The following CDC42BPB variants were observed in gnomAD, a reference collection of about 807,000 sequenced individuals.
The protein encoded by CDC42BPB is serine/threonine-protein kinase MRCK beta.
A neutral mutation model predicts 214.9 loss-of-function variants in CDC42BPB; 37 were observed. The observed-to-expected ratio is 0.17, with a 90% CI of 0.13 to 0.23. The LOEUF is 0.23. CDC42BPB is among the 10% of genes least tolerant of loss of function. The probability of loss-of-function intolerance (pLI) is 1.00; values close to 1 mark genes in which losing one functional copy is unlikely to be tolerated. For synonymous variants in CDC42BPB, 931 were observed against 884.0 expected (o/e 1.05, Z -0.94); for missense variants, 1,694 against 2,227.0 (o/e 0.76, Z 4.82).
At chr14:102,941,851 C>T (rs768670970) in intron 30 of CDC42BPB, among the ~76,000 whole-genome samples, 3 of 152,206 alleles carry the variant, frequency 2.0e-5, no homozygotes, top group Non-Finnish European at 4.4e-5. Flanking sequence ...CCACACAGGG[C>T]ACTAGCAAAG....
intron 14 of CDC42BPB, chr14:102,969,016 C>T: frequency 2.0e-6 from 1 of 494,402 alleles, no homozygotes; most frequent in Non-Finnish European, 2.6e-6. Context: ...TGCTGGGCCC[C>T]CTCCTTGTGA....
Position 102,944,150 on chromosome 14 carries a change from C to A in CDC42BPB, c.4149G>T (p.Arg1383Ser). 1 of 1,613,216 alleles carries A rather than the reference C, an allele frequency of 6.2e-7. No individual in the cohort carries two copies. Residue 1383 changes from arginine (R) to serine (S), a missense_variant, in exon 30 of 37, where the codon AGG becomes AGT. Transcript: ENST00000361246. This position sits in a 1 kb window ranked among gnomAD's most constrained non-coding sequence, Gnocchi z 6.6. ...AAGGGTAGCCCACACAGAGCCTGTCCCTGAGCACCGCCAGGCACTGCACGC... is the reference window on the plus strand; with the variant it reads ...AAGGGTAGCCCACACAGAGCCTGTCACTGAGCACCGCCAGGCACTGCACGC... ...PGSVQCLAVL[R>S]DRLCVGYPSG...
At chr14:103,031,215 G>A (rs990513648) in intron 1 of CDC42BPB, among the ~76,000 whole-genome samples, 6 of 151,966 alleles carry the variant, frequency 3.9e-5, no homozygotes, top group South Asian at 2.1e-4. Context: ...CTCCTGTATC[G>A]TCATCTTTGG....
Position 103,000,279 on chromosome 14 carries a change from C to G in CDC42BPB, c.448-566G>C, listed in dbSNP as rs567343115. ...TAATGGGAGAAAAAACATCTGCTAA[C>G]AGGGCTGAGCCCGTCACTTCCCCGC... On this transcript the variant is annotated intron_variant, in intron 4 of 36. Transcript: ENST00000361246. Among the ~76,000 whole-genome samples, 6 of 152,300 alleles carry G rather than the reference C, an allele frequency of 3.9e-5. No individual in the cohort carries two copies. The South Asian group carries it at 1.0e-3, about 26-fold the overall frequency.
intron 29 of CDC42BPB, among the ~76,000 whole-genome samples, 158 bp downstream of exon 29, chr14:102,945,504 G>A (rs1486899711): frequency 2.0e-5 from 3 of 152,246 alleles, no homozygotes; most frequent in East Asian, 1.9e-4. Flanking sequence ...GCACCGCGTC[G>A]CCATGCACTC....
intron 5 of CDC42BPB, among the ~76,000 whole-genome samples, chr14:102,989,676 C>G (rs1894402969): frequency 6.6e-6 from 1 of 151,992 alleles, no homozygotes; most frequent in South Asian, 2.1e-4. Context: ...AGTTTGAGAC[C>G]AGCCTCACCA....
intron 36 of CDC42BPB, among the ~76,000 whole-genome samples, chr14:102,936,451 G>A (rs776275604): frequency 1.1e-4 from 16 of 152,116 alleles, no homozygotes; most frequent in Non-Finnish European, 1.8e-4. Flanking sequence ...TACACAACGG[G>A]GGTGAGCCAC....
chr14:102,999,956 A>G (rs1894905141), intron 4 of CDC42BPB: 1 of 964,100 alleles, frequency 1.0e-6, no homozygotes, highest in African/African-American at 1.8e-5. Flanking sequence ...TATTTAATCA[A>G]TGGGAGGAAT....
chr14:102,939,245 A>G (rs1891780015), intron 34 of CDC42BPB, among the ~76,000 whole-genome samples: 1 of 152,234 alleles, frequency 6.6e-6, no homozygotes, highest in Non-Finnish European at 1.5e-5. Context: ...AGCCAAAAAC[A>G]TACTTCTTAA....
At chr14:102,941,979 C>G (rs1271459623) in intron 30 of CDC42BPB, among the ~76,000 whole-genome samples, 1 of 152,226 alleles carries the variant, frequency 6.6e-6, no homozygotes, top group Non-Finnish European at 1.5e-5. Flanking sequence ...GGCGGAGAAC[C>G]GAGGAACTTC....
chr14:102,945,787 A>C (rs1892136403), intron 28 of CDC42BPB, 63 bp from the exon 29 acceptor site: 1 of 1,433,360 alleles, frequency 7.0e-7, no homozygotes, highest in Non-Finnish European at 9.8e-7. Flanking sequence ...TATGGGTTTG[A>C]ATGCGTGGGT....
intron 1 of CDC42BPB, among the ~76,000 whole-genome samples, chr14:103,016,383 G>A (rs1886460406): frequency 6.6e-6 from 1 of 152,222 alleles, no homozygotes; most frequent in African/African-American, 2.4e-5. Context: ...ACCTGCTTCA[G>A]GCAGAGCTCA....
intron 1 of CDC42BPB, 91 bp downstream of exon 1, chr14:103,056,901 AGGGTCTG>A: frequency 1.4e-6 from 1 of 727,324 alleles, no homozygotes; most frequent in Non-Finnish European, 1.8e-6. Context: ...GGAGGGCGGC[AGGGTCTG>A]TCCGGGCGGG....
At chr14:103,049,318 C>T (rs1049489189) in intron 1 of CDC42BPB, among the ~76,000 whole-genome samples, 2 of 152,212 alleles carry the variant, frequency 1.3e-5, no homozygotes, top group Non-Finnish European at 2.9e-5. Context: ...GGATGGCCAC[C>T]GTCTCAGATG....
rs1017503448 is a variant in CDC42BPB, at chr14:103,004,166, A to C, written c.352-143T>G. Reference sequence around the variant, plus strand: ...GGGCTCCTCCTCGTGCACCACCCCGAGGCTGCTGAGGCTGAGCCATCCCTC... The same window carrying C: ...GGGCTCCTCCTCGTGCACCACCCCGCGGCTGCTGAGGCTGAGCCATCCCTC... On this transcript the variant is annotated intron_variant, in intron 3 of 36. Coordinates refer to ENST00000361246, the MANE Select transcript of CDC42BPB (RefSeq NM_006035.4). The surrounding 1 kb of genome is among the most constrained non-coding windows in gnomAD (Gnocchi z 5.3). The C allele has an allele frequency of 1.1e-4, 159 of 1,390,436 alleles. No homozygotes were observed. The highest frequency in any genetic ancestry group is 1.4e-4 in the Non-Finnish European group (148 of 1,068,880). 86.1% of individuals were successfully genotyped at this position (1,390,436 alleles called of 1,614,324 possible). A position where few individuals can be genotyped will look rare whatever the true frequency, so the allele number is the denominator to read the frequency against.
In CDC42BPB at chr14:102,999,583, T is replaced by C. The variant is rs777005233; in HGVS notation, c.578A>G (p.Gln193Arg). ...CGGTTACCTGTGCACGTAATGAAGC[T>C]GATGGATGGAGTCAATGGCCAGCAC... ...EMVLAIDSIH[Q>R]LHYVHRDIKP... The change falls in exon 5 of 37, where the codon CAG becomes CGG. Residue 193 changes from glutamine (Q) to arginine (R), a missense_variant. Gln to Arg is a conservative substitution (Grantham distance 43). This residue lies in a region of CDC42BPB where 225 missense variants were observed against 459.3 expected (regional missense o/e 0.49). Transcript: ENST00000361246. 13 of 1,614,130 alleles carry C rather than the reference T, an allele frequency of 8.1e-6. No individual in the cohort carries two copies. The highest frequency in any genetic ancestry group is 9.3e-6 in the Non-Finnish European group (11 of 1,179,996).
At chr14:102,945,421 C>G (rs1892113132) in intron 29 of CDC42BPB, 1 of 554,124 alleles carries the variant, frequency 1.8e-6, no homozygotes, top group Non-Finnish European at 3.3e-6. Flanking sequence ...TCCCAGGGGG[C>G]TTTCCTTGAC....
At chr14:103,031,833 G>C (rs1687225637) in intron 1 of CDC42BPB, among the ~76,000 whole-genome samples, 2 of 152,160 alleles carry the variant, frequency 1.3e-5, no homozygotes, top group African/African-American at 4.8e-5. Context: ...TCACTCACAT[G>C]GGTGGACAAG....
intron 3 of CDC42BPB, among the ~76,000 whole-genome samples, chr14:103,006,768 G>A (rs1222871712): frequency 2.6e-5 from 4 of 151,882 alleles, no homozygotes; most frequent in Admixed American, 6.6e-5. Context: ...TATAATCACC[G>A]CGACTGGCAA....
Sources: allele counts gnomAD v4.1 joint callset (sites outside exome capture counted in the v4.1 genomes callset), GRCh38; gene constraint gnomAD v4.1.1; regional missense constraint gnomAD v4.1.1; non-coding constraint Gnocchi (gnomAD v3.1); transcripts MANE v1.5; gene names NCBI Gene and HGNC (gene_info 2026-07-23, HGNC 2026-07-21).